Variants in TRAPPC6A observed in about 807,000 individuals in gnomAD.
TRAPPC6A encodes the protein TRAPP complex subunit 6A.
In TRAPPC6A, 25 loss-of-function variants were observed where a neutral mutation model predicts 20.8. The ratio of observed to expected loss-of-function variants is 1.20; its 90% CI spans 0.88 to 1.68. The LOEUF (loss-of-function observed/expected upper bound fraction) is 1.68, where lower values mean the gene tolerates loss of function less well. Ranked by LOEUF, TRAPPC6A falls within the 40% of genes most tolerant of loss-of-function variation. The probability of loss-of-function intolerance (pLI) is 0.00; values close to 1 mark genes in which losing one functional copy is unlikely to be tolerated. For synonymous variants in TRAPPC6A, 96 were observed against 93.3 expected (o/e 1.03, Z -0.16); for missense variants, 215 against 211.6 (o/e 1.02, Z -0.10).
intron 1 of TRAPPC6A, among the ~76,000 whole-genome samples, chr19:45,169,377 G>T (rs1326792555): frequency 2.6e-5 from 4 of 152,150 alleles, no homozygotes; most frequent in Non-Finnish European, 4.4e-5. Context: ...GCTCACTGCA[G>T]CCTCTACCTC....
Position 45,163,162 on chromosome 19 carries a change from G to A in TRAPPC6A, c.*30C>T. The A allele has an allele frequency of 1.2e-6, 2 of 1,613,496 alleles. No individual in the cohort carries two copies. The highest frequency in any genetic ancestry group is 1.7e-6 in the Non-Finnish European group (2 of 1,179,624). ...CCTGAGGCCGGTGAGGCCAGGGGCAGCAGTGCGGCTCAGCAGGTGCGAGGC... is the reference window on the plus strand; with the variant it reads ...CCTGAGGCCGGTGAGGCCAGGGGCAACAGTGCGGCTCAGCAGGTGCGAGGC... On this transcript the variant is annotated 3_prime_UTR_variant, in exon 6 of 6. Transcript: ENST00000585934. The surrounding 1 kb of genome is among the most constrained non-coding windows in gnomAD (Gnocchi z 5.3).
chr19:45,164,268 G>GT (rs748349384), intron 3 of TRAPPC6A, 21 bp from the exon 4 acceptor site: 2 of 1,546,664 alleles, frequency 1.3e-6, no homozygotes, highest in South Asian at 2.4e-5. Flanking sequence ...GGAGAGGCTG[G>GT]TGGGTGGGGT....
chr19:45,177,022 C>T (rs1969395347), intron 1 of TRAPPC6A, among the ~76,000 whole-genome samples: 1 of 151,846 alleles, frequency 6.6e-6, no homozygotes, highest in Non-Finnish European at 1.5e-5. Flanking sequence ...AATAATAATA[C>T]AAAAAATTAG....
intron 1 of TRAPPC6A, among the ~76,000 whole-genome samples, chr19:45,167,114 G>A (rs1339592295): frequency 6.6e-6 from 1 of 152,152 alleles, no homozygotes; most frequent in Non-Finnish European, 1.5e-5. Flanking sequence ...TGTGAAGGTG[G>A]GGACCCAGGC....
Position 45,171,843 on chromosome 19 carries a change from T to A in TRAPPC6A, c.84+6292A>T, listed in dbSNP as rs187613127. On this transcript the variant is annotated intron_variant, in intron 1 of 5. Coordinates refer to ENST00000585934, the MANE Select transcript of TRAPPC6A (RefSeq NM_001270891.2). ...CCAGACTGAAGCCAAGGGGTTGAGC[T>A]CCAAGGAGGATGAACGGAAAAAGCA... 1.4e-3 allele frequency among the ~76,000 whole-genome samples: 214 copies of A among 152,230 alleles called. 3 individuals carry two copies. Among genetic ancestry groups the A allele is most frequent in the South Asian group, 1.0e-3 (5 of 4,824 alleles).
intron 1 of TRAPPC6A, among the ~76,000 whole-genome samples, chr19:45,166,730 C>G (rs1969161657): frequency 6.6e-6 from 1 of 152,094 alleles, no homozygotes; most frequent in African/African-American, 2.4e-5. Context: ...CTCTCAGGAG[C>G]CTGCAGTCAC....
At chr19:45,176,934 C>T in intron 1 of TRAPPC6A, among the ~76,000 whole-genome samples, 1 of 151,724 alleles carries the variant, frequency 6.6e-6, no homozygotes, top group East Asian at 1.9e-4. Flanking sequence ...TTTGGGAGGC[C>T]AAGATGGGCA....
At chr19:45,171,677 C>T (rs1969271341) in intron 1 of TRAPPC6A, among the ~76,000 whole-genome samples, 1 of 152,150 alleles carries the variant, frequency 6.6e-6, no homozygotes, top group African/African-American at 2.4e-5. Context: ...GAGAGAAAAG[C>T]TACAGGATGC....
At chr19:45,175,797 GT>G (rs1969359866) in intron 1 of TRAPPC6A, among the ~76,000 whole-genome samples, 2 of 152,200 alleles carry the variant, frequency 1.3e-5, no homozygotes, top group South Asian at 4.1e-4. Context: ...AGGGTTTCTC[GT>G]TTGAAAGCCA....
intron 4 of TRAPPC6A, 63 bp downstream of exon 4, chr19:45,164,101 T>C: frequency 1.3e-6 from 2 of 1,553,676 alleles, no homozygotes; most frequent in Non-Finnish European, 1.7e-6. Flanking sequence ...AGGCCTGATG[T>C]GGGATGGGGC....
At position 45,173,581 on chromosome 19, in the gene TRAPPC6A, AGGGCTGTC is replaced by A. The variant is rs556989826; in HGVS notation, c.84+4546_84+4553del. On this transcript the variant is annotated intron_variant, in intron 1 of 5. Coordinates refer to ENST00000585934, the MANE Select transcript of TRAPPC6A (RefSeq NM_001270891.2). This position sits in a 1 kb window ranked among gnomAD's most constrained non-coding sequence, Gnocchi z 4.8. ...CAGGGTCCCTCCTCTGTGAATCGGGAGGGCTGTCCTGAGGACTAAATGCAGTCAACACT... is the reference window on the plus strand; with the variant it reads ...CAGGGTCCCTCCTCTGTGAATCGGGACTGAGGACTAAATGCAGTCAACACT... Among the ~76,000 whole-genome samples, 3 of 152,278 alleles carry A rather than the reference AGGGCTGTC, an allele frequency of 2.0e-5. No individual in the cohort carries two copies. In the South Asian group the frequency reaches 6.2e-4, roughly 32 times the overall value.
Position 45,173,259 on chromosome 19 carries a change from C to T in TRAPPC6A, c.84+4876G>A, listed in dbSNP as rs1197797502. The stretch of plus-strand genomic sequence containing the variant: ...CCTTAGAGAACAAAGGCCTTCCTGG[C>T]CCCTCTGGCCGGTCCTCCAGTTCAC... On this transcript the variant is annotated intron_variant, in intron 1 of 5. Coordinates refer to ENST00000585934, the MANE Select transcript of TRAPPC6A (RefSeq NM_001270891.2). This position sits in a 1 kb window ranked among gnomAD's most constrained non-coding sequence, Gnocchi z 4.8. Among the ~76,000 whole-genome samples, 1 of 151,814 alleles carries T rather than the reference C, an allele frequency of 6.6e-6. No homozygotes were observed. The highest frequency in any genetic ancestry group is 6.6e-5 in the Admixed American group (1 of 15,240).
intron 1 of TRAPPC6A, among the ~76,000 whole-genome samples, chr19:45,177,051 G>A (rs1338041991): frequency 6.6e-6 from 1 of 152,186 alleles, no homozygotes; most frequent in African/African-American, 2.4e-5. Context: ...GGTGGCGCCA[G>A]CAGCGCTTGT....
At chr19:45,171,100 G>A (rs990680306) in intron 1 of TRAPPC6A, among the ~76,000 whole-genome samples, 7 of 152,232 alleles carry the variant, frequency 4.6e-5, no homozygotes, top group Non-Finnish European at 8.8e-5. Context: ...TTAGGAGTTT[G>A]AGACCAGCCT....
intron 1 of TRAPPC6A, among the ~76,000 whole-genome samples, chr19:45,174,018 T>G (rs1233600391): frequency 6.6e-6 from 1 of 152,142 alleles, no homozygotes. Context: ...GTAAGCCAGT[T>G]TCCCACACTC....
In TRAPPC6A at chr19:45,176,815, C is replaced by T. The variant is rs558176413; in HGVS notation, c.84+1320G>A. ...TTGGGAGGCCGAGGCGGGTGGATCA[C>T]AAGGTCAGGAGTTCGACACCAGCCT... On this transcript the variant is annotated intron_variant, in intron 1 of 5. Transcript: ENST00000585934. Among the ~76,000 whole-genome samples, 8 of 150,232 alleles carry T rather than the reference C, an allele frequency of 5.3e-5. No homozygotes were observed. In the South Asian group the frequency reaches 1.5e-3, roughly 28 times the overall value.
rs1969066227 is a variant in TRAPPC6A at position 45,163,687 on chromosome 19, C to T, written c.448+229G>A. 6.6e-6 allele frequency among the ~76,000 whole-genome samples: 1 copy of T among 152,268 alleles called. No individual in the cohort carries two copies. Among genetic ancestry groups the T allele is most frequent in the Admixed American group, 6.5e-5 (1 of 15,306 alleles). On this transcript the variant is annotated intron_variant, in intron 5 of 5. Transcript: ENST00000585934. This position sits in a 1 kb window ranked among gnomAD's most constrained non-coding sequence, Gnocchi z 5.3. ...AGGATAACTTCTATTGCGTCCACCT[C>T]GGCTCCCATGCTGGGAAACGATGTT...
chr19:45,173,270 G>A lies in TRAPPC6A; in HGVS notation c.84+4865C>T, dbSNP rs1047360595. 1.5e-4 allele frequency among the ~76,000 whole-genome samples: 23 copies of A among 151,872 alleles called. No homozygotes were observed. Among genetic ancestry groups the A allele is most frequent in the African/African-American group, 4.6e-4 (19 of 41,330 alleles). On this transcript the variant is annotated intron_variant, in intron 1 of 5. Coordinates refer to ENST00000585934, the MANE Select transcript of TRAPPC6A (RefSeq NM_001270891.2). This position sits in a 1 kb window ranked among gnomAD's most constrained non-coding sequence, Gnocchi z 4.8. ...AAAGGCCTTCCTGGCCCCTCTGGCC[G>A]GTCCTCCAGTTCACAACCTGTGACA...
chr19:45,170,688 C>T (rs528289208), intron 1 of TRAPPC6A, among the ~76,000 whole-genome samples: 1 of 152,370 alleles, frequency 6.6e-6, no homozygotes, highest in African/African-American at 2.4e-5. Flanking sequence ...AGTTTCCCCA[C>T]ATGTGCCATG....
Sources: allele counts gnomAD v4.1 joint callset (sites outside exome capture counted in the v4.1 genomes callset), GRCh38; gene constraint gnomAD v4.1.1; non-coding constraint Gnocchi (gnomAD v3.1); transcripts MANE v1.5; gene names NCBI Gene and HGNC (gene_info 2026-07-23, HGNC 2026-07-21).